The following YPEL2 variants were observed in gnomAD, a reference collection of about 807,000 sequenced individuals.
The protein encoded by YPEL2 is protein yippee-like 2.
Under a neutral mutation model 19.1 loss-of-function variants are expected in YPEL2, and 2 were observed. That is an observed-to-expected ratio of 0.10 (90% CI 0.04 to 0.33). The LOEUF is 0.33. YPEL2 is among the 10% of genes least tolerant of loss of function. YPEL2 has a pLI of 1.00. For synonymous variants in YPEL2, 52 were observed against 50.0 expected (o/e 1.04, Z -0.17); for missense variants, 66 against 140.7 (o/e 0.47, Z 2.68).
intron 1 of YPEL2, among the ~76,000 whole-genome samples, chr17:59,333,572 A>C (rs1298808493): frequency 2.0e-5 from 3 of 152,096 alleles, no homozygotes; most frequent in Admixed American, 2.0e-4. Context: ...AGAGAACAAT[A>C]ATTACCCTTA....
chr17:59,336,625 G>A (rs187912512), intron 1 of YPEL2, among the ~76,000 whole-genome samples: 1 of 152,284 alleles, frequency 6.6e-6, no homozygotes, highest in East Asian at 1.9e-4. Context: ...GACTGCAGGG[G>A]AAACCAGGTA....
rs538452651 is a variant in YPEL2 at position 59,367,098 on chromosome 17, G to A, written c.117+13572G>A. On this transcript the variant is annotated intron_variant, in intron 2 of 4. Coordinates refer to ENST00000312655, the MANE Select transcript of YPEL2 (RefSeq NM_001005404.4). ...ACCTTGAAACTGACAGGAGGAGTATGGACTTTTGTTCGAGGCTCAGCCTGG... is the reference window on the plus strand; with the variant it reads ...ACCTTGAAACTGACAGGAGGAGTATAGACTTTTGTTCGAGGCTCAGCCTGG... Among the ~76,000 whole-genome samples the A allele has an allele frequency of 3.9e-5, 6 of 152,292 alleles. No individual in the cohort carries two copies. The East Asian group carries it at 1.2e-3, about 29-fold the overall frequency.
intron 2 of YPEL2, among the ~76,000 whole-genome samples, chr17:59,386,027 G>A (rs1266088046): frequency 6.6e-6 from 1 of 152,142 alleles, no homozygotes; most frequent in East Asian, 1.9e-4. Context: ...CTAGTGCTAA[G>A]GCAAAGGAAA....
rs774816814 is a variant in YPEL2 at position 59,389,350 on chromosome 17, C to T, written c.162-10C>T. On this transcript the variant is annotated splice_polypyrimidine_tract_variant and intron_variant, in intron 3 of 4. Coordinates refer to ENST00000312655, the MANE Select transcript of YPEL2 (RefSeq NM_001005404.4). ...AACTACCCACTCTCTCTTCTTGTGCCTCGACATAGAGTTAATGTGGGCTGT... is the reference window on the plus strand; with the variant it reads ...AACTACCCACTCTCTCTTCTTGTGCTTCGACATAGAGTTAATGTGGGCTGT... The T allele has an allele frequency of 1.2e-6, 2 of 1,612,060 alleles. No homozygotes were observed. The highest frequency in any genetic ancestry group is 1.7e-5 in the Admixed American group (1 of 59,900).
chr17:59,341,560 G>T (rs1402565300), intron 1 of YPEL2, among the ~76,000 whole-genome samples: 1 of 152,200 alleles, frequency 6.6e-6, no homozygotes, highest in Non-Finnish European at 1.5e-5. Flanking sequence ...TTGGGAGGCG[G>T]AGGCAGGAGA....
intron 2 of YPEL2, among the ~76,000 whole-genome samples, chr17:59,379,856 T>TTTTGTTTTG (rs1555571548): frequency 6.7e-6 from 1 of 149,220 alleles, no homozygotes; most frequent in African/African-American, 2.5e-5. Flanking sequence ...AAGTTTGGGG[T>TTTTGTTTTG]TTTTGTTTTG....
rs530781137 is a variant in YPEL2, at chr17:59,386,885, T to G, written c.118-1442T>G. Among the ~76,000 whole-genome samples the G allele has an allele frequency of 1.2e-3, 189 of 152,248 alleles. 1 individual carries two copies. The Middle Eastern group carries it at 0.014, about 11-fold the overall frequency. On this transcript the variant is annotated intron_variant, in intron 2 of 4. Coordinates refer to ENST00000312655, the MANE Select transcript of YPEL2 (RefSeq NM_001005404.4). ...TCTGCCTGCCCCTTGCAGATGCACCTGGGAGTGAAGGTGTCTGGTGTATTT... is the reference window on the plus strand; with the variant it reads ...TCTGCCTGCCCCTTGCAGATGCACCGGGGAGTGAAGGTGTCTGGTGTATTT...
rs2047799893 is a variant in YPEL2 at position 59,353,960 on chromosome 17, G to GAATTACTAA, written c.117+438_117+446dup. Reference sequence around the variant, plus strand: ...GCCACCAGGAAGTTGTGAGACTGTGGAATTACTAAAATGGGTGGCTTTTGG... The same window carrying GAATTACTAA: ...GCCACCAGGAAGTTGTGAGACTGTGGAATTACTAAAATTACTAAAATGGGTGGCTTTTGG... On this transcript the variant is annotated intron_variant, in intron 2 of 4. Transcript: ENST00000312655. The surrounding 1 kb of genome is among the most constrained non-coding windows in gnomAD (Gnocchi z 4.8). 3.6e-6 allele frequency: 1 copy of GAATTACTAA among 276,236 alleles called. No individual in the cohort carries two copies. The highest frequency in any genetic ancestry group is 7.0e-6 in the Non-Finnish European group (1 of 141,940). The allele number at this position is 276,236 out of a possible 1,614,324, so 17.1% of individuals were successfully genotyped here. A position where few individuals can be genotyped will look rare whatever the true frequency, so the allele number is the denominator to read the frequency against.
chr17:59,390,712 T>C (rs2147958386), intron 4 of YPEL2, among the ~76,000 whole-genome samples: 1 of 152,302 alleles, frequency 6.6e-6, no homozygotes, highest in South Asian at 2.1e-4. Context: ...GATCTGCTGC[T>C]TGAACGCTGG....
chr17:59,346,350 G>T (rs2047756265), intron 1 of YPEL2, among the ~76,000 whole-genome samples: 1 of 152,188 alleles, frequency 6.6e-6, no homozygotes. Flanking sequence ...TTTAAACCTA[G>T]ACCAGCAGTG....
intron 2 of YPEL2, among the ~76,000 whole-genome samples, chr17:59,368,371 G>A (rs533600330): frequency 2.4e-4 from 36 of 152,264 alleles, no homozygotes; most frequent in African/African-American, 7.5e-4. Context: ...GGCGTGAACC[G>A]TGCACTTGCC....
intron 2 of YPEL2, among the ~76,000 whole-genome samples, chr17:59,364,888 T>G (rs963179473): frequency 5.9e-5 from 9 of 152,226 alleles, no homozygotes; most frequent in African/African-American, 2.2e-4. Flanking sequence ...GGCCTCGGCC[T>G]CCCAAAGTGC....
intron 4 of YPEL2, among the ~76,000 whole-genome samples, chr17:59,394,190 G>T (rs2147960616): frequency 6.6e-6 from 1 of 151,836 alleles, no homozygotes; most frequent in East Asian, 2.0e-4. Context: ...CCGGGCGGGG[G>T]GCTGACCCCC....
At chr17:59,352,720 G>C (rs2047793578) in intron 1 of YPEL2, among the ~76,000 whole-genome samples, 1 of 152,174 alleles carries the variant, frequency 6.6e-6, no homozygotes, top group Admixed American at 6.5e-5. Flanking sequence ...TGTGGGGTTT[G>C]CTGCCTCTGC....
chr17:59,389,131 A>G, intron 3 of YPEL2: 1 of 532,832 alleles, frequency 1.9e-6, no homozygotes, highest in East Asian at 2.9e-5. Context: ...TCTCAACCAT[A>G]AAGATTATTT....
chr17:59,340,216 G>A (rs191338267), intron 1 of YPEL2, among the ~76,000 whole-genome samples: 3 of 150,368 alleles, frequency 2.0e-5, no homozygotes, highest in Admixed American at 6.6e-5. Flanking sequence ...TCAAGCGATC[G>A]TCCTGCCCCA....
chr17:59,343,941 A>G (rs778532865), intron 1 of YPEL2, among the ~76,000 whole-genome samples: 5 of 152,114 alleles, frequency 3.3e-5, no homozygotes, highest in Non-Finnish European at 5.9e-5. Context: ...CTGGTGACTG[A>G]GGGTGGCAAT....
intron 2 of YPEL2, among the ~76,000 whole-genome samples, chr17:59,383,611 T>A (rs7221170): frequency 8.2e-4 from 13 of 15,782 alleles, no homozygotes; most frequent in South Asian, 6.8e-3. Flanking sequence ...AAAAAAAAAA[T>A]ATATATATAT....
rs1208899355 is a variant in YPEL2, at chr17:59,400,093, G to A, written c.*2903G>A. 1 of 152,570 alleles carries A rather than the reference G, an allele frequency of 6.6e-6. No homozygotes were observed. The highest frequency in any genetic ancestry group is 1.5e-5 in the Non-Finnish European group (1 of 68,076). 9.5% of individuals were successfully genotyped at this position (152,570 alleles called of 1,614,324 possible). A position where few individuals can be genotyped will look rare whatever the true frequency, so the allele number is the denominator to read the frequency against. ...CTTGGAGTAGACCCAGACCCCTCGGGACCCGGGACATTAGTCTCAGGCTGC... is the reference window on the plus strand; with the variant it reads ...CTTGGAGTAGACCCAGACCCCTCGGAACCCGGGACATTAGTCTCAGGCTGC... On this transcript the variant is annotated 3_prime_UTR_variant, in exon 5 of 5. Transcript: ENST00000312655.
Sources: allele counts gnomAD v4.1 joint callset (sites outside exome capture counted in the v4.1 genomes callset), GRCh38; gene constraint gnomAD v4.1.1; non-coding constraint Gnocchi (gnomAD v3.1); transcripts MANE v1.5; gene names NCBI Gene and HGNC (gene_info 2026-07-23, HGNC 2026-07-21).